The following XYLT1 variants were observed in gnomAD, a reference collection of about 807,000 sequenced individuals.
XYLT1 encodes xylosyltransferase 1, also known as beta-D-xylosyltransferase 1.
A neutral mutation model predicts 91.3 loss-of-function variants in XYLT1; 36 were observed. That is an observed-to-expected ratio of 0.39 (90% confidence interval 0.30 to 0.52). The LOEUF (loss-of-function observed/expected upper bound fraction) is 0.52, where lower values mean the gene tolerates loss of function less well. XYLT1 is among the 20% of genes least tolerant of loss of function. The pLI is 0.68. For missense variants in XYLT1, 1,242 were observed against 1,284.5 expected (o/e 0.97, Z 0.51); for synonymous variants, 588 against 532.0 (o/e 1.11, Z -1.45).
rs1234569090 is a variant in XYLT1, at chr16:17,400,982, T to TCACACACACA, written c.364-42933_364-42932insTGTGTGTGTG. On this transcript the variant is annotated intron_variant, in intron 1 of 11. Coordinates refer to ENST00000261381, the MANE Select transcript of XYLT1 (RefSeq NM_022166.4). ...CTGTCTCTCTGTCTCACTCTCTCTTTCATACACACACACACACACACACAC... is the reference window on the plus strand; with the variant it reads ...CTGTCTCTCTGTCTCACTCTCTCTTTCACACACACACATACACACACACACACACACACAC... 5.3e-4 allele frequency among the ~76,000 whole-genome samples: 59 copies of TCACACACACA among 111,082 alleles called. 2 individuals carry two copies. The South Asian group carries it at 0.014, about 26-fold the overall frequency. 72.9% of individuals were successfully genotyped at this position (111,082 alleles called of 152,430 possible).
chr16:17,116,013 C>T (rs1178739260), intron 11 of XYLT1, among the ~76,000 whole-genome samples: 1 of 145,770 alleles, frequency 6.9e-6, no homozygotes, highest in Non-Finnish European at 1.5e-5. Context: ...TCTTACAGTA[C>T]ACAATGTATT....
chr16:17,225,384 G>A (rs2033045122), intron 3 of XYLT1, among the ~76,000 whole-genome samples: 1 of 152,142 alleles, frequency 6.6e-6, no homozygotes, highest in African/African-American at 2.4e-5. Flanking sequence ...TATTAAGAGT[G>A]TCAAGACGGT....
intron 3 of XYLT1, among the ~76,000 whole-genome samples, chr16:17,219,036 CT>C (rs1292985685): frequency 6.6e-6 from 1 of 151,980 alleles, no homozygotes; most frequent in African/African-American, 2.4e-5. Context: ...AATCCCAGCA[CT>C]TTTGGAGGCC....
intron 3 of XYLT1, among the ~76,000 whole-genome samples, chr16:17,215,212 C>T (rs2032833158): frequency 6.6e-6 from 1 of 152,122 alleles, no homozygotes; most frequent in African/African-American, 2.4e-5. Context: ...AAAAATTAGC[C>T]AGGCATGGTG....
intron 1 of XYLT1, among the ~76,000 whole-genome samples, chr16:17,440,211 T>C (rs1176145558): frequency 1.3e-5 from 2 of 152,200 alleles, no homozygotes; most frequent in Non-Finnish European, 1.5e-5. Context: ...TCCTCCCCAG[T>C]AGAACTTTCA....
intron 1 of XYLT1, among the ~76,000 whole-genome samples, chr16:17,449,466 C>T (rs895793854): frequency 1.3e-5 from 2 of 152,234 alleles, no homozygotes; most frequent in African/African-American, 4.8e-5. Context: ...CCCTGTCTGG[C>T]TGGTCTTCAG....
At chr16:17,462,344 G>C (rs142384186) in intron 1 of XYLT1, among the ~76,000 whole-genome samples, 1 of 152,160 alleles carries the variant, frequency 6.6e-6, no homozygotes, top group Admixed American at 6.5e-5. Context: ...CAGGGTGTCT[G>C]GGTTTGCAGT....
At chr16:17,438,526 G>A (rs2036490758) in intron 1 of XYLT1, among the ~76,000 whole-genome samples, 1 of 152,114 alleles carries the variant, frequency 6.6e-6, no homozygotes, top group Non-Finnish European at 1.5e-5. Context: ...CTGATAGCAT[G>A]GGTGCCTGAA....
chr16:17,421,861 C>G (rs1235305404), intron 1 of XYLT1, among the ~76,000 whole-genome samples: 1 of 151,890 alleles, frequency 6.6e-6, no homozygotes, highest in South Asian at 2.1e-4. Context: ...TTTTCAAGAC[C>G]GAGTCTCACT....
At chr16:17,379,035 C>G (rs1422498616) in intron 1 of XYLT1, among the ~76,000 whole-genome samples, 1 of 152,224 alleles carries the variant, frequency 6.6e-6, no homozygotes, top group East Asian at 1.9e-4. Context: ...TAAATGGGCA[C>G]ATAGCCCTTC....
At chr16:17,122,068 G>A (rs1457272003) in intron 10 of XYLT1, among the ~76,000 whole-genome samples, 6 of 152,072 alleles carry the variant, frequency 3.9e-5, no homozygotes, top group East Asian at 1.9e-4. Flanking sequence ...ATAAACATGC[G>A]TGTGCAAGAA....
chr16:17,343,161 C>T (rs1402517613), intron 2 of XYLT1, among the ~76,000 whole-genome samples: 4 of 152,178 alleles, frequency 2.6e-5, no homozygotes, highest in East Asian at 1.9e-4. Context: ...GGAGTAAATG[C>T]CAGCAAGGGT....
rs962261310 is a variant in XYLT1, at chr16:17,343,168, G to A, written c.402+14844C>T. On this transcript the variant is annotated intron_variant, in intron 2 of 11. Coordinates refer to ENST00000261381, the MANE Select transcript of XYLT1 (RefSeq NM_022166.4). ...GAGTCCAGGGAGTAAATGCCAGCAAGGGTTGAACATGTTACAACGTCAGCC... is the reference window on the plus strand; with the variant it reads ...GAGTCCAGGGAGTAAATGCCAGCAAAGGTTGAACATGTTACAACGTCAGCC... 2.0e-5 allele frequency among the ~76,000 whole-genome samples: 3 copies of A among 152,296 alleles called. No homozygotes were observed. In the East Asian group the frequency reaches 5.8e-4, roughly 29 times the overall value.
chr16:17,161,070 C>T (rs769242938), intron 5 of XYLT1, among the ~76,000 whole-genome samples: 8 of 152,138 alleles, frequency 5.3e-5, no homozygotes, highest in Non-Finnish European at 7.4e-5. Context: ...AGGGGCCGGG[C>T]CGGGGCTCCT....
In XYLT1 at chr16:17,122,603, CTTATCT is replaced by C. The variant is rs796135708; in HGVS notation, c.2224-4630_2224-4625del. Among the ~76,000 whole-genome samples the C allele has an allele frequency of 3.9e-5, 6 of 152,152 alleles. No individual in the cohort carries two copies. In the South Asian group the frequency reaches 1.2e-3, roughly 32 times the overall value. ...AACTTTTAAAATTAAGTCCTATCTA[CTTATCT>C]TTGTTTTTGTTGCATTTGCTTTTGG... is the stretch of plus-strand genomic sequence containing the variant. On this transcript the variant is annotated intron_variant, in intron 10 of 11. Transcript: ENST00000261381.
intron 5 of XYLT1, among the ~76,000 whole-genome samples, chr16:17,188,536 C>G (rs2032239464): frequency 6.6e-6 from 1 of 152,230 alleles, no homozygotes; most frequent in South Asian, 2.1e-4. Context: ...TCCTACCCAG[C>G]ATCTACATCT....
intron 2 of XYLT1, among the ~76,000 whole-genome samples, chr16:17,340,289 A>G (rs964494357): frequency 6.6e-6 from 1 of 152,234 alleles, no homozygotes; most frequent in African/African-American, 2.4e-5. Flanking sequence ...CACTGTGGAA[A>G]GAGGTGATAC....
intron 6 of XYLT1, among the ~76,000 whole-genome samples, chr16:17,149,916 T>G (rs2031240926): frequency 6.6e-6 from 1 of 152,236 alleles, no homozygotes; most frequent in Non-Finnish European, 1.5e-5. Context: ...AAGGGCTCCA[T>G]AATGTCCATT....
At chr16:17,257,963 G>T (rs1471565806) in intron 3 of XYLT1, among the ~76,000 whole-genome samples, 1 of 152,168 alleles carries the variant, frequency 6.6e-6, no homozygotes, top group African/African-American at 2.4e-5. Flanking sequence ...TGGCACGATT[G>T]CACATGCGCT....
Sources: gnomAD v4.1 joint callset for allele counts (sites outside exome capture counted in the v4.1 genomes callset) on GRCh38, gnomAD v4.1.1 for gene constraint, MANE v1.5 for transcripts, NCBI Gene and HGNC (gene_info 2026-07-23, HGNC 2026-07-21) for gene names.